Variants in WIPF1 observed in about 807,000 individuals in gnomAD.
The protein encoded by WIPF1 is WAS/WASL interacting protein family member 1, also known as WAS/WASL-interacting protein family member 1.
WIPF1 carries 13 observed loss-of-function variants against 35.4 expected under a neutral mutation model. That is an observed-to-expected ratio of 0.37 (90% confidence interval 0.24 to 0.58). WIPF1 has a LOEUF of 0.58. Among genes scored for constraint, WIPF1 ranks in the 20% least tolerant of loss-of-function variants. The pLI, the probability that WIPF1 is intolerant of heterozygous loss-of-function variation, is 0.74. For synonymous variants in WIPF1, 267 were observed against 266.3 expected, an observed-to-expected ratio of 1.00 and a Z score of -0.02; for missense variants, 591 against 667.0, an observed-to-expected ratio of 0.89 and a Z score of 1.25.
At chr2:174,581,610 G>A (rs1030685161) in intron 2 of WIPF1, among the ~76,000 whole-genome samples, 171 bp from the exon 3 acceptor site, 1 of 152,214 alleles carries the variant, frequency 6.6e-6, no homozygotes, top group Non-Finnish European at 1.5e-5. Flanking sequence ...AGATCCAGAC[G>A]TTTGGAAGCA....
At chr2:174,635,334 T>C (rs1574853057) in intron 1 of WIPF1, among the ~76,000 whole-genome samples, 1 of 151,948 alleles carries the variant, frequency 6.6e-6, no homozygotes, top group African/African-American at 2.4e-5. Context: ...TGGTGCTGGG[T>C]TCCTGGCAGC....
chr2:174,569,304 C>T (rs1684760300), intron 5 of WIPF1, among the ~76,000 whole-genome samples: 1 of 152,206 alleles, frequency 6.6e-6, no homozygotes, highest in Non-Finnish European at 1.5e-5. Flanking sequence ...ATTGGTCTCT[C>T]AAGGAGTCTT....
chr2:174,626,890 G>A (rs754490953), intron 1 of WIPF1, among the ~76,000 whole-genome samples: 7 of 152,170 alleles, frequency 4.6e-5, no homozygotes, highest in Non-Finnish European at 1.0e-4. Context: ...TTTAAAGTCA[G>A]ATCATTGTCT....
chr2:174,657,022 A>C (rs1350151797), intron 1 of WIPF1, among the ~76,000 whole-genome samples: 6 of 152,240 alleles, frequency 3.9e-5, no homozygotes, highest in Admixed American at 3.3e-4. Flanking sequence ...TACATAATCC[A>C]GAATATTTTC....
At chr2:174,568,413 A>G (rs1178117135) in intron 5 of WIPF1, among the ~76,000 whole-genome samples, 1 of 152,254 alleles carries the variant, frequency 6.6e-6, no homozygotes, top group Non-Finnish European at 1.5e-5. Context: ...AATCCTTTAA[A>G]GAGCTATTGA....
rs1362814512 is a variant in WIPF1, at chr2:174,615,181, G to A, written c.-38-29570C>T. On this transcript the variant is annotated intron_variant, in intron 1 of 8. Coordinates refer to the WIPF1 transcript ENST00000272746. Reference sequence around the variant, plus strand: ...TTACTTAGGGAAGAAACTGATACCTGTTATTGCTTTGCTAGAATTTGGGCT... The same window carrying A: ...TTACTTAGGGAAGAAACTGATACCTATTATTGCTTTGCTAGAATTTGGGCT... Among the ~76,000 whole-genome samples, 50 of 152,074 alleles carry A rather than the reference G, an allele frequency of 3.3e-4. 1 individual carries two copies. Among genetic ancestry groups the A allele is most frequent in the Admixed American group, 3.3e-3 (50 of 15,272 alleles).
Position 174,567,162 on chromosome 2 carries a change from T to C in WIPF1, c.1364A>G (p.Tyr455Cys), listed in dbSNP as rs746276409. 11 of 1,614,100 alleles carry C rather than the reference T, an allele frequency of 6.8e-6. No individual in the cohort carries two copies. Among genetic ancestry groups the C allele is most frequent in the African/African-American group, 2.7e-5 (2 of 74,934 alleles). The change falls in exon 7 of 8, where the codon TAC becomes TGC. Residue 455 changes from tyrosine (Y) to cysteine (C), a missense_variant. By Grantham distance (194) the Tyr-to-Cys change is radical (BLOSUM62 -2). Around this residue, in one of 3 missense-constraint regions of WIPF1, gnomAD observed 117 missense variants for 149.6 expected, o/e 0.78. Coordinates refer to ENST00000679041, the MANE Select transcript of WIPF1 (RefSeq NM_001375834.1). Reference protein sequence around the residue: ...PCEDEWESRFYFHPISDLPPP... With the variant: ...PCEDEWESRFCFHPISDLPPP... ...TGGCAAATCGGAAATCGGATGGAAG[T>C]AGAATCTGCTTTCCCACTCATCTGG... is the stretch of plus-strand genomic sequence containing the variant.
intron 1 of WIPF1, among the ~76,000 whole-genome samples, chr2:174,611,673 T>G (rs1053911046): frequency 1.3e-5 from 2 of 152,214 alleles, no homozygotes; most frequent in Non-Finnish European, 2.9e-5. Flanking sequence ...TTCCCTTTCC[T>G]GGGATAAGAT....
At chr2:174,567,515 C>G (rs1684700376) in intron 6 of WIPF1, among the ~76,000 whole-genome samples, 2 of 152,232 alleles carry the variant, frequency 1.3e-5, no homozygotes, top group Non-Finnish European at 2.9e-5. Flanking sequence ...TGCAGGCCGT[C>G]AGGCCTCTTA....
chr2:174,572,385 G>C lies in WIPF1; in HGVS notation c.420C>G (p.Pro140=), dbSNP rs1042926138. The change falls in exon 5 of 8, where the codon CCC becomes CCG. Residue 140 remains proline, a synonymous_variant. Coordinates refer to ENST00000679041, the MANE Select transcript of WIPF1 (RefSeq NM_001375834.1). ...TCCCTGGGCCACTTGGGGGTGAAAA[G>C]GGTTTCGCAGATGTGGATCTTCCTC... is the stretch of plus-strand genomic sequence containing the variant. ...PPGGRSTSAK[P]FSPPSGPGRF... 6.2e-7 allele frequency: 1 copy of C among 1,614,172 alleles called. No homozygotes were observed. The highest frequency in any genetic ancestry group is 8.5e-7 in the Non-Finnish European group (1 of 1,180,020).
intron 2 of WIPF1, among the ~76,000 whole-genome samples, chr2:174,584,641 GT>G (rs1685343531): frequency 6.6e-6 from 1 of 152,204 alleles, no homozygotes; most frequent in Non-Finnish European, 1.5e-5. Flanking sequence ...GCCGGGCACA[GT>G]GGCTCACGCC....
chr2:174,628,333 G>C (rs1686912532), intron 1 of WIPF1, among the ~76,000 whole-genome samples: 1 of 152,116 alleles, frequency 6.6e-6, no homozygotes. Context: ...CCCTGATAAT[G>C]CATCACAACA....
At chr2:174,626,606 G>A (rs568738234) in intron 1 of WIPF1, among the ~76,000 whole-genome samples, 1 of 152,204 alleles carries the variant, frequency 6.6e-6, no homozygotes, top group South Asian at 2.1e-4. Context: ...TCAGTCTGAT[G>A]GCATTTCTAT....
At chr2:174,611,351 G>A (rs968902737) in intron 1 of WIPF1, among the ~76,000 whole-genome samples, 3 of 152,180 alleles carry the variant, frequency 2.0e-5, no homozygotes, top group East Asian at 1.9e-4. Context: ...TTCAATCCAA[G>A]GACCATTTCC....
intron 1 of WIPF1, among the ~76,000 whole-genome samples, chr2:174,672,697 G>C (rs758191247): frequency 6.6e-6 from 1 of 152,182 alleles, no homozygotes; most frequent in East Asian, 1.9e-4. Flanking sequence ...TTAATGGTGT[G>C]TCCCATCGGA....
intron 5 of WIPF1, among the ~76,000 whole-genome samples, chr2:174,570,119 G>A (rs1273518921): frequency 6.6e-6 from 1 of 152,174 alleles, no homozygotes; most frequent in Non-Finnish European, 1.5e-5. Context: ...TCTAGAGATG[G>A]CCCATATGAC....
intron 1 of WIPF1, among the ~76,000 whole-genome samples, chr2:174,614,782 C>G (rs1296547753): frequency 2.6e-5 from 4 of 152,206 alleles, no homozygotes; most frequent in Admixed American, 1.3e-4. Context: ...TAACCTGCTG[C>G]AAAACACCTT....
In WIPF1 at chr2:174,647,282, G is replaced by A. The variant is rs914758656; in HGVS notation, c.-39+35492C>T. 3.3e-5 allele frequency among the ~76,000 whole-genome samples: 5 copies of A among 151,928 alleles called. 1 individual carries two copies. The highest frequency in any genetic ancestry group is 9.7e-5 in the African/African-American group (4 of 41,346). The stretch of plus-strand genomic sequence containing the variant: ...AGTCCTAGCTATCTGGCAGGCTGAG[G>A]CTGGAGTATCCCTTCAGGCCAGGAG... On this transcript the variant is annotated intron_variant, in intron 1 of 8. Coordinates refer to the WIPF1 transcript ENST00000272746.
rs2105917523 is a variant in WIPF1 at position 174,622,621 on chromosome 2, T to G, written c.-38-37010A>C. On this transcript the variant is annotated intron_variant, in intron 1 of 8. Coordinates refer to the WIPF1 transcript ENST00000272746. This position sits in a 1 kb window ranked among gnomAD's most constrained non-coding sequence, Gnocchi z 5.1. Reference sequence around the variant, plus strand: ...CTAACTCACCGAATCCCCACTCTCCTATGAGCAGGCTGATGGTCACTGCTA... The same window carrying G: ...CTAACTCACCGAATCCCCACTCTCCGATGAGCAGGCTGATGGTCACTGCTA... Among the ~76,000 whole-genome samples, 1 of 152,354 alleles carries G rather than the reference T, an allele frequency of 6.6e-6. No homozygotes were observed. Among genetic ancestry groups the G allele is most frequent in the Non-Finnish European group, 1.5e-5 (1 of 68,018 alleles).
Sources: gnomAD v4.1 joint callset for allele counts (sites outside exome capture counted in the v4.1 genomes callset) on GRCh38, gnomAD v4.1.1 for gene constraint, gnomAD v4.1.1 regional missense constraint, Gnocchi (gnomAD v3.1) non-coding constraint, MANE v1.5 for transcripts, NCBI Gene and HGNC (gene_info 2026-07-23, HGNC 2026-07-21) for gene names.